KCND3: variants seen among roughly 807,000 people sequenced by gnomAD.
The protein encoded by KCND3 is A-type voltage-gated potassium channel KCND3.
KCND3 carries 9 observed loss-of-function variants against 51.1 expected under a neutral mutation model. The observed-to-expected ratio is 0.18, with a 90% confidence interval of 0.11 to 0.31. KCND3 has a LOEUF of 0.31. KCND3 is among the 10% of genes least tolerant of loss of function. The pLI is 1.00. For missense variants in KCND3, 526 were observed against 903.8 expected, an observed-to-expected ratio of 0.58 and a Z score of 5.36; for synonymous variants, 349 against 368.0, an observed-to-expected ratio of 0.95 and a Z score of 0.59.
At chr1:111,820,444 T>C (rs1354028541) in intron 2 of KCND3, among the ~76,000 whole-genome samples, 1 of 152,228 alleles carries the variant, frequency 6.6e-6, no homozygotes, top group Admixed American at 6.5e-5. Context: ...GTTGTAAAAA[T>C]ATTTGTACTT....
chr1:111,898,031 C>T (rs1429338079), intron 2 of KCND3, among the ~76,000 whole-genome samples: 1 of 152,160 alleles, frequency 6.6e-6, no homozygotes, highest in African/African-American at 2.4e-5. Flanking sequence ...AAGAGCACCC[C>T]ACAAAACTGG....
At chr1:111,783,126 C>T (rs1470042958) in intron 3 of KCND3, among the ~76,000 whole-genome samples, 1 of 151,298 alleles carries the variant, frequency 6.6e-6, no homozygotes, top group Non-Finnish European at 1.5e-5. Flanking sequence ...GTCAACTTCA[C>T]CCTCTTCCAT....
In KCND3 at chr1:111,775,818, G is replaced by GCCCCCC; in HGVS notation, c.*258_*259insGGGGGG. ...AGCCTATATCCCCCGGCCTATCCCC[G>GCCCCCC]ACCCCCCCACCCTCCCTCCCTTCCT... On this transcript the variant is annotated 3_prime_UTR_variant, in exon 8 of 8. Transcript: ENST00000302127. 5.0e-5 allele frequency: 5 copies of GCCCCCC among 99,730 alleles called. No individual in the cohort carries two copies. The highest frequency in any genetic ancestry group is 1.2e-4 in the South Asian group (1 of 8,076). 6.2% of individuals were successfully genotyped at this position (99,730 alleles called of 1,614,324 possible).
intron 2 of KCND3, among the ~76,000 whole-genome samples, chr1:111,808,193 A>G (rs796829721): frequency 2.0e-5 from 3 of 152,370 alleles, no homozygotes; most frequent in African/African-American, 7.2e-5. Context: ...TAGGAACTCA[A>G]TAAATGTTAC....
At chr1:111,909,352 G>A (rs1336334567) in intron 2 of KCND3, 2 of 152,288 alleles carry the variant, frequency 1.3e-5, no homozygotes, top group Admixed American at 1.3e-4. Flanking sequence ...GAGTGTGTGA[G>A]GACCCTATTG....
At chr1:111,970,418 T>G (rs1312930605) in intron 2 of KCND3, among the ~76,000 whole-genome samples, 1 of 152,256 alleles carries the variant, frequency 6.6e-6, no homozygotes, top group Admixed American at 6.5e-5. Flanking sequence ...ACCCACAACA[T>G]TTGTTGAATA....
At chr1:111,895,665 G>A (rs1293039319) in intron 2 of KCND3, among the ~76,000 whole-genome samples, 1 of 152,234 alleles carries the variant, frequency 6.6e-6, no homozygotes, top group African/African-American at 2.4e-5. Context: ...GGGCTGCGGA[G>A]TAACCCCTTC....
In KCND3 at chr1:111,772,748, T is replaced by TTAGG. The variant is rs566978136; in HGVS notation, c.*3325_*3328dup. ...TTCATTTGACATTTGAATGTAACTG[T>TTAGG]TAGGTTGGTTGGTTGGTTTGTTTTT... On this transcript the variant is annotated 3_prime_UTR_variant, in exon 8 of 8. Coordinates refer to ENST00000302127, the MANE Select transcript of KCND3 (RefSeq NM_001378969.1). 213 of 152,324 alleles carry TTAGG rather than the reference T, an allele frequency of 1.4e-3. No individual in the cohort carries two copies. Among genetic ancestry groups the TTAGG allele is most frequent in the African/African-American group, 5.0e-3 (208 of 41,566 alleles). The allele number at this position is 152,324 out of a possible 1,614,324, so 9.4% of individuals were successfully genotyped here.
rs542060151 is a variant in KCND3, at chr1:111,857,475, T to C, written c.1107-70369A>G. 4.6e-5 allele frequency among the ~76,000 whole-genome samples: 7 copies of C among 152,280 alleles called. No individual in the cohort carries two copies. The East Asian group carries it at 9.7e-4, about 21-fold the overall frequency. ...TCCGAAGGCTTCTTTTGCCAGCATA[T>C]GCAGTACAGCCGGGAGAAGTAAATA... On this transcript the variant is annotated intron_variant, in intron 2 of 7. Coordinates refer to ENST00000302127, the MANE Select transcript of KCND3 (RefSeq NM_001378969.1).
chr1:111,883,448 T>TA (rs781686722), intron 2 of KCND3, among the ~76,000 whole-genome samples: 2 of 152,240 alleles, frequency 1.3e-5, no homozygotes, highest in Non-Finnish European at 2.9e-5. Context: ...TCCTCATTCT[T>TA]CAGGGCTCAG....
chr1:111,901,750 C>T, intron 2 of KCND3, among the ~76,000 whole-genome samples: 1 of 152,138 alleles, frequency 6.6e-6, no homozygotes, highest in East Asian at 1.9e-4. Flanking sequence ...CCCAGCCTGA[C>T]CTCTCCTGCC....
chr1:111,949,302 A>G (rs1672940522), intron 2 of KCND3, among the ~76,000 whole-genome samples: 1 of 152,198 alleles, frequency 6.6e-6, no homozygotes. Flanking sequence ...TAATGTGGCT[A>G]TCAGGACACT....
chr1:111,905,676 T>TA (rs1270272972), intron 2 of KCND3, among the ~76,000 whole-genome samples: 3 of 152,164 alleles, frequency 2.0e-5, no homozygotes, highest in African/African-American at 7.2e-5. Flanking sequence ...GAGTCGCGTA[T>TA]AAAACCATCA....
At chr1:111,803,940 T>C (rs1232269774) in intron 2 of KCND3, among the ~76,000 whole-genome samples, 2 of 152,244 alleles carry the variant, frequency 1.3e-5, no homozygotes, top group Non-Finnish European at 2.9e-5. Flanking sequence ...CTTTTCTTTA[T>C]GTGGGGCTCA....
intron 2 of KCND3, among the ~76,000 whole-genome samples, chr1:111,949,433 C>G (rs967338795): frequency 6.6e-6 from 1 of 152,076 alleles, no homozygotes; most frequent in African/African-American, 2.4e-5. Flanking sequence ...CCAGAGAGAA[C>G]AGGAGAGCCA....
intron 2 of KCND3, among the ~76,000 whole-genome samples, chr1:111,815,144 C>G (rs917636240): frequency 2.0e-5 from 3 of 152,036 alleles, no homozygotes; most frequent in Non-Finnish European, 4.4e-5. Flanking sequence ...GGTGGTAGAA[C>G]CTGGACTAGA....
intron 2 of KCND3, among the ~76,000 whole-genome samples, chr1:111,866,700 G>A (rs1354289359): frequency 6.6e-6 from 1 of 152,044 alleles, no homozygotes; most frequent in Non-Finnish European, 1.5e-5. Context: ...AGGAGGCTGA[G>A]GCAGTAGGAT....
chr1:111,895,557 C>T (rs1019481844), intron 2 of KCND3, among the ~76,000 whole-genome samples: 1 of 152,210 alleles, frequency 6.6e-6, no homozygotes, highest in African/African-American at 2.4e-5. Flanking sequence ...TTCTCGTCCC[C>T]GGGGAGCTGC....
chr1:111,815,583 C>T (rs1666048915), intron 2 of KCND3, among the ~76,000 whole-genome samples: 1 of 150,594 alleles, frequency 6.6e-6, no homozygotes, highest in South Asian at 2.1e-4. Context: ...TTGGTTTAGC[C>T]AGAATCCCCC....
Sources: gnomAD v4.1 joint callset for allele counts (sites outside exome capture counted in the v4.1 genomes callset) on GRCh38, gnomAD v4.1.1 for gene constraint, MANE v1.5 for transcripts, NCBI Gene and HGNC (gene_info 2026-07-23, HGNC 2026-07-21) for gene names.